TBCE: variants seen among roughly 807,000 people sequenced by gnomAD.
TBCE encodes the protein tubulin-specific chaperone E.
In TBCE, 53 loss-of-function variants were observed where a neutral mutation model predicts 77.0. The observed-to-expected ratio is 0.69, with a 90% CI of 0.55 to 0.87. The LOEUF (loss-of-function observed/expected upper bound fraction) is 0.87. TBCE is among the 40% of genes least tolerant of loss of function. TBCE has a pLI of 0.00. For missense variants in TBCE, 624 were observed against 622.4 expected (o/e 1.00, Z -0.03); for synonymous variants, 235 against 241.3 (o/e 0.97, Z 0.24).
At chr1:235,405,390 C>CT (rs1408108210) in intron 3 of TBCE, among the ~76,000 whole-genome samples, 1 of 148,778 alleles carries the variant, frequency 6.7e-6, no homozygotes, top group African/African-American at 2.5e-5. Flanking sequence ...AATCCCAGCA[C>CT]TTTGGGAGGC....
rs1679108086 is a variant in TBCE, at chr1:235,401,589, T to C, written c.185+2T>C. The C allele has an allele frequency of 1.2e-6, 2 of 1,612,022 alleles. No individual in the cohort carries two copies. Among genetic ancestry groups the C allele is most frequent in the Non-Finnish European group, 1.7e-6 (2 of 1,178,314 alleles). On this transcript the variant is annotated splice_donor_variant, in intron 3 of 16. Coordinates refer to ENST00000642610, the MANE Select transcript of TBCE (RefSeq NM_003193.5). LOFTEE classifies it high-confidence loss of function. ...AGGGACTGTGTATTTTAAATGCAGG[T>C]AACTTTTCATTATGAATCAGCACGG...
chr1:235,419,495 G>A lies in TBCE; in HGVS notation c.394G>A (p.Val132Ile), dbSNP rs144448831. Residue 132 changes from valine to isoleucine, a missense_variant, in exon 5 of 17, where the codon GTT (valine) becomes ATT (isoleucine). Physicochemically the swap from Val to Ile is conservative, Grantham distance 29. Transcript: ENST00000642610. The stretch of plus-strand genomic sequence containing the variant: ...CAGTCAGCTGAGCAAGTTGCAAGAA[G>A]TTTCTCTGAGGAACTGTGCAGTAAG... ...QQSQLSKLQE[V>I]SLRNCAVSCA... is the part of the protein sequence containing the mutation. The A allele has an allele frequency of 3.1e-4, 507 of 1,614,118 alleles. 4 individuals carry two copies. In the African/African-American group the frequency reaches 5.7e-3, roughly 18 times the overall value.
At chr1:235,442,393 C>T (rs550587937) in intron 14 of TBCE, among the ~76,000 whole-genome samples, 2 of 152,334 alleles carry the variant, frequency 1.3e-5, no homozygotes, top group African/African-American at 2.4e-5. Context: ...TGGTCTCAAA[C>T]TCCTGACCTC....
chr1:235,384,808 T>G (rs929279997), intron 2 of TBCE, among the ~76,000 whole-genome samples: 12 of 152,274 alleles, frequency 7.9e-5, no homozygotes, highest in Non-Finnish European at 1.5e-4. Flanking sequence ...TTTGTGTCTC[T>G]ATTTCCTTCA....
rs543665933 is a variant in TBCE, at chr1:235,452,105, C to T, written c.*3343C>T. On this transcript the variant is annotated 3_prime_UTR_variant, in exon 17 of 17. Transcript: ENST00000642610. ...TTGGCTCACTGCAAGCTCTGCCCCCCGGGTTCATGCCATTCTCCTGCCTCA... is the reference window on the plus strand; with the variant it reads ...TTGGCTCACTGCAAGCTCTGCCCCCTGGGTTCATGCCATTCTCCTGCCTCA... 3 of 152,242 alleles carry T rather than the reference C, an allele frequency of 2.0e-5. No individual in the cohort carries two copies. In the East Asian group the frequency reaches 5.8e-4, roughly 29 times the overall value. The allele number at this position is 152,242 out of a possible 1,614,324, so 9.4% of individuals were successfully genotyped here.
chr1:235,411,449 CT>C (rs58645745), intron 3 of TBCE, among the ~76,000 whole-genome samples: 3,619 of 152,266 alleles, frequency 0.024, 151 homozygotes, highest in African/African-American at 0.082. Context: ...GGCGGGTCCC[CT>C]CAGTGTCCTC....
chr1:235,407,629 G>A (rs901058968), intron 3 of TBCE, among the ~76,000 whole-genome samples: 9 of 152,104 alleles, frequency 5.9e-5, no homozygotes, highest in Non-Finnish European at 1.3e-4. Context: ...CAGGTGTTGT[G>A]TGCCCCGAGC....
rs1282402331 is a variant in TBCE, at chr1:235,414,444, G to A, written c.197G>A (p.Gly66Glu). 1.1e-5 allele frequency: 18 copies of A among 1,613,612 alleles called. No homozygotes were observed. The highest frequency in any genetic ancestry group is 1.4e-5 in the Non-Finnish European group (17 of 1,179,998). ...CTCTTCTTTACCAGGCACCCGACAG[G>A]AGGATCCTTTATTCGTCCGAACAAG... is the stretch of plus-strand genomic sequence containing the variant. ...TVYFKCRHPT[G>E]GSFIRPNKVN... Residue 66 changes from glycine to glutamate, a missense_variant, in exon 4 of 17, where the codon GGA (glycine) becomes GAA (glutamate). Physicochemically the swap from Gly to Glu is moderately conservative, Grantham distance 98. Coordinates refer to ENST00000642610, the MANE Select transcript of TBCE (RefSeq NM_003193.5).
intron 3 of TBCE, among the ~76,000 whole-genome samples, chr1:235,408,817 GTATT>G (rs1679611956): frequency 6.6e-6 from 1 of 152,030 alleles, no homozygotes; most frequent in African/African-American, 2.4e-5. Flanking sequence ...AAGATCAACA[GTATT>G]TATTAGAAAC....
chr1:235,390,596 A>T (rs925851426), intron 2 of TBCE, among the ~76,000 whole-genome samples: 1 of 152,042 alleles, frequency 6.6e-6, no homozygotes, highest in African/African-American at 2.4e-5. Context: ...TACTAAAAAT[A>T]CAAAAAATAC....
intron 8 of TBCE, among the ~76,000 whole-genome samples, 155 bp from the exon 9 acceptor site, chr1:235,435,588 TCA>T (rs1681396389): frequency 6.6e-6 from 1 of 152,174 alleles, no homozygotes; most frequent in Admixed American, 6.5e-5. Context: ...AATATGTGCA[TCA>T]CCACAGGGAC....
chr1:235,397,819 C>T (rs894685222), intron 2 of TBCE, among the ~76,000 whole-genome samples: 16 of 152,178 alleles, frequency 1.1e-4, no homozygotes, highest in African/African-American at 3.9e-4. Context: ...CTGGATCTTA[C>T]ACATTCCTGG....
At chr1:235,379,884 G>A in intron 1 of TBCE, 135 bp from the exon 2 acceptor site, 1 of 527,898 alleles carries the variant, frequency 1.9e-6, no homozygotes, top group Non-Finnish European at 3.4e-6. Context: ...GAAGGTGGGG[G>A]TTGCAGTGAG....
chr1:235,402,856 C>G (rs1679197337), intron 3 of TBCE, among the ~76,000 whole-genome samples: 1 of 152,092 alleles, frequency 6.6e-6, no homozygotes, highest in Non-Finnish European at 1.5e-5. Flanking sequence ...GTCTCAAACT[C>G]CTGGCCTCAA....
intron 3 of TBCE, among the ~76,000 whole-genome samples, chr1:235,411,249 G>T (rs1679765243): frequency 6.6e-6 from 1 of 152,240 alleles, no homozygotes; most frequent in Non-Finnish European, 1.5e-5. Context: ...TGGGACACAG[G>T]TCAGGAACTG....
intron 4 of TBCE, chr1:235,415,503 G>C (rs919897706): frequency 1.3e-5 from 2 of 152,170 alleles, no homozygotes; most frequent in Non-Finnish European, 2.9e-5. Flanking sequence ...AGGCATCTGG[G>C]TAAGGACCCC....
intron 13 of TBCE, 180 bp from the exon 14 acceptor site, chr1:235,441,634 C>T (rs1681883667): frequency 3.3e-6 from 2 of 610,566 alleles, no homozygotes. Flanking sequence ...AAGATTCTGC[C>T]CTTGGAAGTG....
chr1:235,391,807 G>A (rs1470050061), intron 2 of TBCE, among the ~76,000 whole-genome samples: 4 of 151,292 alleles, frequency 2.6e-5, no homozygotes, highest in African/African-American at 9.7e-5. Flanking sequence ...GGGTTTTCCC[G>A]TGTTGGCCAG....
At position 235,371,564 on chromosome 1, in the gene TBCE, T is replaced by C. The variant is rs147826997; in HGVS notation, c.-32+4060T>C. Among the ~76,000 whole-genome samples, 917 of 151,916 alleles carry C rather than the reference T, an allele frequency of 6.0e-3. 9 individuals carry two copies. The highest frequency in any genetic ancestry group is 0.021 in the African/African-American group (882 of 41,418). On this transcript the variant is annotated intron_variant, in intron 1 of 16. Transcript: ENST00000642610. ...CTAATTTTTGTATTTTTATTAGAGA[T>C]GGGGTTTCATCATATTGGTTAGGCT...
Sources: allele counts gnomAD v4.1 joint callset (sites outside exome capture counted in the v4.1 genomes callset), GRCh38; gene constraint gnomAD v4.1.1; transcripts MANE v1.5; gene names NCBI Gene and HGNC (gene_info 2026-07-23, HGNC 2026-07-21).